Variants in DCTN5 observed in about 807,000 individuals in gnomAD.
DCTN5 encodes dynactin subunit 5.
DCTN5 carries 14 observed loss-of-function variants against 23.5 expected under a neutral mutation model. The observed-to-expected ratio is 0.60, with a 90% CI of 0.39 to 0.93. The LOEUF (loss-of-function observed/expected upper bound fraction) is 0.93. Ranked by LOEUF, DCTN5 falls within the 40% of genes least tolerant of loss-of-function variation. The pLI is 0.00. For missense variants in DCTN5, 156 were observed against 225.9 expected (o/e 0.69, Z 1.98); for synonymous variants, 67 against 79.6 (o/e 0.84, Z 0.84).
chr16:23,644,416 T>C (rs1183401370), intron 2 of DCTN5, among the ~76,000 whole-genome samples: 1 of 149,988 alleles, frequency 6.7e-6, no homozygotes, highest in Non-Finnish European at 1.5e-5. Flanking sequence ...TTCTCCTGCC[T>C]CAGCCTCCTG....
intron 2 of DCTN5, among the ~76,000 whole-genome samples, chr16:23,646,642 T>A (rs1023733022): frequency 7.2e-5 from 11 of 152,172 alleles, no homozygotes; most frequent in African/African-American, 2.6e-4. Flanking sequence ...AGTGGTGCAA[T>A]CTCGGCTCAC....
Position 23,658,497 on chromosome 16 carries a change from C to T in DCTN5, c.118-10C>T, listed in dbSNP as rs1283122553. 7 of 1,602,184 alleles carry T rather than the reference C, an allele frequency of 4.4e-6. No individual in the cohort carries two copies. Among genetic ancestry groups the T allele is most frequent in the Non-Finnish European group, 6.0e-6 (7 of 1,169,690 alleles). On this transcript the variant is annotated splice_polypyrimidine_tract_variant and intron_variant, in intron 2 of 5. Transcript: ENST00000300087. ...GTTGCTAATTTTTTAAAATTTGCTT[C>T]GTCTTACAGACCATTGTGATGAATG...
At chr16:23,661,058 G>A in intron 3 of DCTN5, 112 bp from the exon 4 acceptor site, 1 of 555,586 alleles carries the variant, frequency 1.8e-6, no homozygotes, top group Non-Finnish European at 3.0e-6. Flanking sequence ...TCCTTGCTGG[G>A]AACAGTCTTG....
At chr16:23,665,770 A>T in intron 5 of DCTN5, 42 bp downstream of exon 5, 3 of 1,521,292 alleles carry the variant, frequency 2.0e-6, no homozygotes, top group Non-Finnish European at 2.7e-6. Context: ...ACTTCCTAAA[A>T]CTCAGTTGTA....
chr16:23,656,674 T>G, intron 2 of DCTN5, among the ~76,000 whole-genome samples: 1 of 151,956 alleles, frequency 6.6e-6, no homozygotes, highest in Non-Finnish European at 1.5e-5. Context: ...TACTATTTAT[T>G]TTTTCTTTCT....
At chr16:23,650,547 A>G (rs1967580921) in intron 2 of DCTN5, among the ~76,000 whole-genome samples, 1 of 147,626 alleles carries the variant, frequency 6.8e-6, no homozygotes, top group African/African-American at 2.5e-5. Flanking sequence ...GATGGTCTTG[A>G]ACTCCTGACC....
chr16:23,661,259 A>G lies in DCTN5; in HGVS notation c.326A>G (p.His109Arg). 3.7e-6 allele frequency: 6 copies of G among 1,612,154 alleles called. No individual in the cohort carries two copies. Among genetic ancestry groups the G allele is most frequent in the Non-Finnish European group, 5.1e-6 (6 of 1,179,122 alleles). ...VNAAQIGSYVHVGKNCVIGRR... is the reference protein window; with the variant it reads ...VNAAQIGSYVRVGKNCVIGRR... ...GCAGCACAGATTGGTTCCTATGTTC[A>G]TGTTGGGAAGAACTGTGTGATTGTG... Residue 109 changes from histidine (H) to arginine (R), a missense_variant, in exon 4 of 6, where the codon CAT becomes CGT. Coordinates refer to ENST00000300087, the MANE Select transcript of DCTN5 (RefSeq NM_032486.4).
chr16:23,658,013 A>G (rs753418362), intron 2 of DCTN5, among the ~76,000 whole-genome samples: 18 of 152,220 alleles, frequency 1.2e-4, no homozygotes, highest in Non-Finnish European at 2.2e-4. Context: ...CACGCCTTAC[A>G]CTTTGCAGTG....
chr16:23,658,271 T>C (rs1389383054), intron 2 of DCTN5, among the ~76,000 whole-genome samples: 1 of 152,158 alleles, frequency 6.6e-6, no homozygotes, highest in Non-Finnish European at 1.5e-5. Flanking sequence ...GTGAGTTCTA[T>C]TCATGGGGGA....
intron 2 of DCTN5, among the ~76,000 whole-genome samples, chr16:23,651,953 T>G (rs1249724842): frequency 6.6e-6 from 1 of 152,210 alleles, no homozygotes; most frequent in Admixed American, 6.5e-5. Flanking sequence ...GAGAATCACT[T>G]GAACCTGGGA....
At chr16:23,652,185 G>C (rs1967617966) in intron 2 of DCTN5, among the ~76,000 whole-genome samples, 1 of 151,952 alleles carries the variant, frequency 6.6e-6, no homozygotes, top group Non-Finnish European at 1.5e-5. Context: ...TTTCTTTTTT[G>C]GTATTCTTCA....
At chr16:23,661,406 G>A in intron 4 of DCTN5, 125 bp downstream of exon 4, 1 of 651,480 alleles carries the variant, frequency 1.5e-6, no homozygotes, top group Middle Eastern at 2.6e-4. Context: ...TCCCAGAGTT[G>A]GATTTTTCTT....
rs1206472140 is a variant in DCTN5 at position 23,675,784 on chromosome 16, T to C, written c.*8640T>C. The C allele has an allele frequency of 6.6e-6, 1 of 152,166 alleles. No homozygotes were observed. Among genetic ancestry groups the C allele is most frequent in the Non-Finnish European group, 1.5e-5 (1 of 68,028 alleles). 9.4% of individuals were successfully genotyped at this position (152,166 alleles called of 1,614,324 possible). A position where few individuals can be genotyped will look rare whatever the true frequency, so the allele number is the denominator to read the frequency against. The stretch of plus-strand genomic sequence containing the variant: ...GAGTTCAGACTGACAACAGAGTGGG[T>C]CTAGCTTCTATGCTTTCCATGAAGA... On this transcript the variant is annotated 3_prime_UTR_variant, in exon 6 of 6. Transcript: ENST00000300087.
Position 23,667,353 on chromosome 16 carries a change from A to G in DCTN5, c.*209A>G, listed in dbSNP as rs1184006482. The G allele has an allele frequency of 1.0e-5, 6 of 601,130 alleles. No individual in the cohort carries two copies. The highest frequency in any genetic ancestry group is 8.9e-4 in the Middle Eastern group (2 of 2,238). The allele number at this position is 601,130 out of a possible 1,614,324, so 37.2% of individuals were successfully genotyped here. A position where few individuals can be genotyped will look rare whatever the true frequency, so the allele number is the denominator to read the frequency against. Reference sequence around the variant, plus strand: ...AGACCATCTGGAGGAGCTGTCTTCAAATGCTGTGCTTACACCTTATCTATG... The same window carrying G: ...AGACCATCTGGAGGAGCTGTCTTCAGATGCTGTGCTTACACCTTATCTATG... On this transcript the variant is annotated 3_prime_UTR_variant, in exon 6 of 6. Transcript: ENST00000300087.
chr16:23,666,293 G>C (rs937092082), intron 5 of DCTN5, among the ~76,000 whole-genome samples: 1 of 152,202 alleles, frequency 6.6e-6, no homozygotes, highest in Non-Finnish European at 1.5e-5. Flanking sequence ...GGAATTCCCA[G>C]ACTGAAAAGT....
intron 2 of DCTN5, among the ~76,000 whole-genome samples, chr16:23,645,203 C>T (rs1256690954): frequency 2.2e-5 from 3 of 139,430 alleles, no homozygotes; most frequent in Non-Finnish European, 3.1e-5. Flanking sequence ...GGCACGATCT[C>T]GGCTCACCAC....
intron 2 of DCTN5, among the ~76,000 whole-genome samples, chr16:23,656,401 A>G (rs576229874): frequency 6.6e-6 from 1 of 152,262 alleles, no homozygotes; most frequent in Admixed American, 6.5e-5. Flanking sequence ...TGCTGCACAC[A>G]TTGTATTTGG....
At chr16:23,651,198 T>C (rs954177150) in intron 2 of DCTN5, 18 of 1,055,542 alleles carry the variant, frequency 1.7e-5, no homozygotes, top group Non-Finnish European at 4.6e-6. Context: ...ATCTCTGCCT[T>C]GCCCATTGTT....
rs1415381521 is a variant in DCTN5, at chr16:23,665,726, C to T, written c.449C>T (p.Pro150Leu). The T allele has an allele frequency of 6.2e-7, 1 of 1,611,250 alleles. No homozygotes were observed. The highest frequency in any genetic ancestry group is 2.2e-5 in the East Asian group (1 of 44,872). ...VPPFTVFSGC[P>L]GLFSGELPEC... Reference sequence around the variant, plus strand: ...CCATTCACTGTCTTCTCAGGCTGCCCAGGTAACCTTGGCTGTTGATTAATT... The same window carrying T: ...CCATTCACTGTCTTCTCAGGCTGCCTAGGTAACCTTGGCTGTTGATTAATT... Residue 150 changes from proline (P) to leucine (L), a missense_variant and splice_region_variant, in exon 5 of 6, where the codon CCA (proline) becomes CTA (leucine). Physicochemically the swap from Pro to Leu is moderately conservative, Grantham distance 98. Transcript: ENST00000300087.
Sources: gnomAD v4.1 joint callset for allele counts (sites outside exome capture counted in the v4.1 genomes callset) on GRCh38, gnomAD v4.1.1 for gene constraint, MANE v1.5 for transcripts, NCBI Gene and HGNC (gene_info 2026-07-23, HGNC 2026-07-21) for gene names.